COMMD1: variants seen among roughly 807,000 people sequenced by gnomAD.
COMMD1 encodes copper metabolism domain containing 1, also known as COMM domain-containing protein 1.
In COMMD1, 10 loss-of-function variants were observed where a neutral mutation model predicts 17.2. The ratio of observed to expected loss-of-function variants is 0.58; its 90% CI spans 0.36 to 0.99. The LOEUF (loss-of-function observed/expected upper bound fraction) is 0.99, where lower values mean the gene tolerates loss of function less well. Among genes scored for constraint, COMMD1 ranks in the 50% least tolerant of loss-of-function variants. The pLI, the probability that COMMD1 is intolerant of heterozygous loss-of-function variation, is 0.01. For synonymous variants in COMMD1, 97 were observed against 91.6 expected (o/e 1.06, Z -0.34); for missense variants, 270 against 231.8 (o/e 1.17, Z -1.07).
intron 2 of COMMD1, among the ~76,000 whole-genome samples, chr2:62,071,058 A>T (rs1671187706): frequency 6.6e-6 from 1 of 152,208 alleles, no homozygotes; most frequent in Admixed American, 6.5e-5. Context: ...AGGAATAAAA[A>T]ATGGCGACTA....
At chr2:61,934,602 A>G (rs1670556377) in intron 1 of COMMD1, among the ~76,000 whole-genome samples, 1 of 152,198 alleles carries the variant, frequency 6.6e-6, no homozygotes, top group African/African-American at 2.4e-5. Flanking sequence ...CAAGTTATAG[A>G]ATGAAAAAAT....
At chr2:62,063,085 C>G (rs903950466) in intron 2 of COMMD1, among the ~76,000 whole-genome samples, 1 of 151,892 alleles carries the variant, frequency 6.6e-6, no homozygotes, top group African/African-American at 2.4e-5. Context: ...GGTGTGGTGG[C>G]AGGTGCCTGT....
At chr2:61,934,106 A>G (rs940101610) in intron 1 of COMMD1, among the ~76,000 whole-genome samples, 4 of 152,120 alleles carry the variant, frequency 2.6e-5, no homozygotes, top group African/African-American at 9.7e-5. Context: ...ATCCAGTTTA[A>G]ACATCCAGAA....
intron 2 of COMMD1, among the ~76,000 whole-genome samples, chr2:62,029,931 G>C (rs1182988535): frequency 1.3e-5 from 2 of 152,240 alleles, no homozygotes; most frequent in Admixed American, 6.5e-5. Context: ...TTTGTTTAAC[G>C]TGTATACACG....
intron 2 of COMMD1, among the ~76,000 whole-genome samples, chr2:62,053,917 C>T (rs923671113): frequency 6.6e-6 from 1 of 152,164 alleles, no homozygotes; most frequent in Non-Finnish European, 1.5e-5. Context: ...AAGAGACAAC[C>T]TGTTGAATGG....
intron 1 of COMMD1, among the ~76,000 whole-genome samples, chr2:61,952,657 C>T (rs1246256497): frequency 6.6e-6 from 1 of 152,178 alleles, no homozygotes; most frequent in Non-Finnish European, 1.5e-5. Context: ...CTTCTGAGTT[C>T]TTGGAGAGAC....
At chr2:61,951,888 C>A (rs1671064000) in intron 1 of COMMD1, among the ~76,000 whole-genome samples, 1 of 152,178 alleles carries the variant, frequency 6.6e-6, no homozygotes, top group South Asian at 2.1e-4. Flanking sequence ...TGGAATCATA[C>A]AATACTCTTT....
chr2:62,040,648 C>T (rs1013105939), intron 2 of COMMD1, among the ~76,000 whole-genome samples: 1 of 152,070 alleles, frequency 6.6e-6, no homozygotes, highest in African/African-American at 2.4e-5. Flanking sequence ...TAGTATACAC[C>T]TGTCAGTTTA....
rs1024014651 is a variant in COMMD1 at position 61,950,917 on chromosome 2, C to T, written c.180+45059C>T. Among the ~76,000 whole-genome samples, 4 of 152,186 alleles carry T rather than the reference C, an allele frequency of 2.6e-5. No individual in the cohort carries two copies. The East Asian group carries it at 7.7e-4, about 29-fold the overall frequency. ...TCCAATTAATATTTTCAGTTCTTCA[C>T]TGACCATGGGAAACTGAAATCAGGG... is the stretch of plus-strand genomic sequence containing the variant. On this transcript the variant is annotated intron_variant, in intron 1 of 2. Transcript: ENST00000311832.
intron 2 of COMMD1, among the ~76,000 whole-genome samples, chr2:62,127,578 C>T (rs1672918291): frequency 6.6e-6 from 1 of 152,158 alleles, no homozygotes; most frequent in African/African-American, 2.4e-5. Context: ...GACTGCACAT[C>T]TACAACCATC....
chr2:61,895,643 C>T (rs1669535416), intron 1 of COMMD1, among the ~76,000 whole-genome samples: 1 of 152,104 alleles, frequency 6.6e-6, no homozygotes, highest in South Asian at 2.1e-4. Flanking sequence ...CTACCCATGC[C>T]CCAGGAAGCA....
At chr2:61,990,754 A>G (rs965899105) in intron 1 of COMMD1, among the ~76,000 whole-genome samples, 3 of 152,086 alleles carry the variant, frequency 2.0e-5, no homozygotes, top group Non-Finnish European at 4.4e-5. Context: ...GGCATGGGAA[A>G]GACCCGCCCC....
intron 2 of COMMD1, among the ~76,000 whole-genome samples, chr2:62,092,572 T>C (rs1558596011): frequency 6.6e-6 from 1 of 152,198 alleles, no homozygotes; most frequent in Admixed American, 6.5e-5. Context: ...TAAGGTCCTT[T>C]CCAGTGGGGT....
intron 2 of COMMD1, among the ~76,000 whole-genome samples, chr2:62,056,642 T>C (rs1670710063): frequency 1.3e-5 from 2 of 152,158 alleles, no homozygotes; most frequent in African/African-American, 4.8e-5. Flanking sequence ...TTTGCAGAGA[T>C]TTTGAGAGGG....
intron 2 of COMMD1, among the ~76,000 whole-genome samples, chr2:62,033,619 A>T (rs1669966509): frequency 6.6e-6 from 1 of 152,076 alleles, no homozygotes; most frequent in Non-Finnish European, 1.5e-5. Context: ...CTTAAAAAGA[A>T]GTACCTTAGA....
chr2:62,008,861 A>C (rs1669198609), intron 2 of COMMD1, among the ~76,000 whole-genome samples: 1 of 152,096 alleles, frequency 6.6e-6, no homozygotes, highest in Non-Finnish European at 1.5e-5. Context: ...GCTCACTGCA[A>C]CCTCTGCCTC....
intron 2 of COMMD1, among the ~76,000 whole-genome samples, chr2:62,084,172 T>C (rs986450912): frequency 6.6e-6 from 1 of 152,112 alleles, no homozygotes; most frequent in African/African-American, 2.4e-5. Context: ...TTAAATACAG[T>C]TGACCTTTGA....
chr2:61,929,050 G>A (rs1166796153), intron 1 of COMMD1, among the ~76,000 whole-genome samples: 1 of 152,228 alleles, frequency 6.6e-6, no homozygotes, highest in Non-Finnish European at 1.5e-5. Context: ...GAGTTCATTG[G>A]TTCCAGAGGT....
intron 1 of COMMD1, among the ~76,000 whole-genome samples, chr2:61,919,013 CT>C (rs1006738011): frequency 2.0e-5 from 3 of 150,186 alleles, no homozygotes; most frequent in Admixed American, 6.7e-5. Flanking sequence ...GTAAGATTAA[CT>C]TTTTTTTTTC....
Sources: allele counts gnomAD v4.1 joint callset (sites outside exome capture counted in the v4.1 genomes callset), GRCh38; gene constraint gnomAD v4.1.1; transcripts MANE v1.5; gene names NCBI Gene and HGNC (gene_info 2026-07-23, HGNC 2026-07-21).